Variants in MAEA observed in about 807,000 individuals in gnomAD.
MAEA encodes macrophage erythroblast attacher, E3 ubiquitin ligase, also known as E3 ubiquitin-protein transferase MAEA.
MAEA carries 22 observed loss-of-function variants against 46.2 expected under a neutral mutation model. The observed-to-expected ratio is 0.48, with a 90% CI of 0.34 to 0.68. The LOEUF is 0.68. Ranked by LOEUF, MAEA falls within the 30% of genes least tolerant of loss-of-function variation. MAEA has a pLI of 0.01. For synonymous variants in MAEA, 246 were observed against 222.6 expected (o/e 1.11, Z -0.94); for missense variants, 393 against 558.1 (o/e 0.70, Z 2.98).
At position 1,312,039 on chromosome 4, in the gene MAEA, A is replaced by G; in HGVS notation, c.130A>G (p.Thr44Ala). Residue 44 changes from threonine (T) to alanine (A), a missense_variant, in exon 2 of 9, where the codon ACC becomes GCC. Transcript: ENST00000303400. The part of the protein sequence containing the change: ...RAAQKNIDRE[T>A]SHVTMVVAEL... ...CGCTCAGAAGAACATTGACCGGGAG[A>G]CCAGCCACGTCACCATGGTGGTGGC... 1 of 1,613,930 alleles carries G rather than the reference A, an allele frequency of 6.2e-7. No homozygotes were observed.
At chr4:1,294,096 T>C (rs1429751658) in intron 1 of MAEA, among the ~76,000 whole-genome samples, 2 of 152,146 alleles carry the variant, frequency 1.3e-5, no homozygotes, top group Non-Finnish European at 2.9e-5. Context: ...GTGGCCGGCT[T>C]TTTCGATGTA....
chr4:1,322,943 CTTTTTTTTTTTT>C (rs60692981), intron 4 of MAEA, among the ~76,000 whole-genome samples: 135 of 75,278 alleles, frequency 1.8e-3, no homozygotes, highest in African/African-American at 7.4e-3. Context: ...TGAATACCCA[CTTTTTTTTTTTT>C]TTTTTTTTTT....
At chr4:1,332,718 A>G in intron 5 of MAEA, 39 bp from the exon 6 acceptor site, 1 of 1,539,018 alleles carries the variant, frequency 6.5e-7, no homozygotes, top group South Asian at 1.1e-5. Flanking sequence ...AGTTAAAATT[A>G]AAACGCAAAC....
In MAEA at chr4:1,326,441, T is replaced by C. The variant is rs534009179; in HGVS notation, c.580-1186T>C. On this transcript the variant is annotated intron_variant, in intron 4 of 8. Transcript: ENST00000303400. ...AGACGGACATGTCACTTCCGTAGAATCCGCGTCTCATCTTGGATGACTGCG... is the reference window on the plus strand; with the variant it reads ...AGACGGACATGTCACTTCCGTAGAACCCGCGTCTCATCTTGGATGACTGCG... 3.3e-5 allele frequency among the ~76,000 whole-genome samples: 5 copies of C among 152,314 alleles called. No homozygotes were observed. In the South Asian group the frequency reaches 1.0e-3, roughly 32 times the overall value.
intron 3 of MAEA, among the ~76,000 whole-genome samples, chr4:1,321,363 C>T (rs1159221867): frequency 1.3e-5 from 2 of 151,086 alleles, no homozygotes; most frequent in Non-Finnish European, 2.9e-5. Flanking sequence ...AAACGAGAAA[C>T]CGTTAAAGAA....
intron 3 of MAEA, among the ~76,000 whole-genome samples, chr4:1,316,678 CAT>C (rs775754137): frequency 3.9e-5 from 6 of 152,150 alleles, no homozygotes; most frequent in African/African-American, 7.2e-5. Flanking sequence ...ATCCCACCCA[CAT>C]GTGTGTGGCT....
chr4:1,292,091 A>T (rs927402749), intron 1 of MAEA, among the ~76,000 whole-genome samples: 1 of 152,172 alleles, frequency 6.6e-6, no homozygotes, highest in African/African-American at 2.4e-5. Flanking sequence ...GCCAGTGCAG[A>T]TGTCAGAGAA....
chr4:1,294,309 C>A (rs191714001), intron 1 of MAEA, among the ~76,000 whole-genome samples: 88 of 152,312 alleles, frequency 5.8e-4, no homozygotes, highest in African/African-American at 2.1e-3. Flanking sequence ...CCCTCCCAGG[C>A]CTGGGCCTTT....
At chr4:1,323,731 G>C in intron 4 of MAEA, 1 of 656,902 alleles carries the variant, frequency 1.5e-6, no homozygotes, top group Non-Finnish European at 2.8e-6. Flanking sequence ...GGGAAGATAG[G>C]TTCTTGGTGC....
intron 7 of MAEA, 104 bp downstream of exon 7, chr4:1,337,098 C>T: frequency 7.1e-7 from 1 of 1,404,240 alleles, no homozygotes; most frequent in Non-Finnish European, 9.8e-7. Flanking sequence ...CCTCCCACCA[C>T]AGACAGCCCC....
intron 3 of MAEA, among the ~76,000 whole-genome samples, chr4:1,316,673 A>C (rs1737216194): frequency 6.6e-6 from 1 of 151,938 alleles, no homozygotes; most frequent in Non-Finnish European, 1.5e-5. Context: ...CTTAAATCCC[A>C]CCCACATGTG....
chr4:1,331,610 C>G (rs1711821928), intron 5 of MAEA: 1 of 152,280 alleles, frequency 6.6e-6, no homozygotes, highest in Non-Finnish European at 1.5e-5. Context: ...CTGACTCACA[C>G]ATGGGACTTG....
In MAEA at chr4:1,310,235, CG is replaced by C. The variant is rs547894463; in HGVS notation, c.70-1737del. On this transcript the variant is annotated intron_variant, in intron 1 of 8. Transcript: ENST00000303400. ...GTGTCGGGCTGTGGTGTCAGGGCCT[CG>C]GGGGGGCCTTCCCCAGTGGGTCTCG... 4.2e-3 allele frequency among the ~76,000 whole-genome samples: 633 copies of C among 152,186 alleles called. 4 individuals carry two copies. Among genetic ancestry groups the C allele is most frequent in the Non-Finnish European group, 4.5e-3 (307 of 68,004 alleles).
intron 6 of MAEA, chr4:1,335,221 C>T (rs998671206): frequency 1.0e-6 from 1 of 985,484 alleles, no homozygotes; most frequent in Non-Finnish European, 1.2e-6. Context: ...CCATTTCATA[C>T]ATGATTTCTC....
At chr4:1,314,033 TAAA>T (rs1240305820) in intron 2 of MAEA, among the ~76,000 whole-genome samples, 1 of 151,704 alleles carries the variant, frequency 6.6e-6, no homozygotes, top group Non-Finnish European at 1.5e-5. Flanking sequence ...GACACTGTCT[TAAA>T]AAAGTGATTG....
At chr4:1,336,245 G>T (rs951156327) in intron 6 of MAEA, among the ~76,000 whole-genome samples, 6 of 151,730 alleles carry the variant, frequency 4.0e-5, no homozygotes, top group African/African-American at 1.5e-4. Context: ...CCCTTGTCCT[G>T]CAGGTGTTGA....
rs932295274 is a variant in MAEA at position 1,309,834 on chromosome 4, G to T, written c.70-2145G>T. The T allele has an allele frequency of 2.9e-6, 4 of 1,358,928 alleles. No individual in the cohort carries two copies. The Admixed American group carries it at 1.2e-4, about 41-fold the overall frequency. 84.2% of individuals were successfully genotyped at this position (1,358,928 alleles called of 1,614,324 possible). ...CTGTCTGCAGCACACCAGCTGCCCG[G>T]AGCTCTGCCCTGTGCCTGAGCAGCG... On this transcript the variant is annotated intron_variant, in intron 1 of 8. Coordinates refer to ENST00000303400, the MANE Select transcript of MAEA (RefSeq NM_001017405.3).
chr4:1,322,784 T>TTAGA (rs1738293861), intron 4 of MAEA, among the ~76,000 whole-genome samples: 1 of 152,156 alleles, frequency 6.6e-6, no homozygotes, highest in Admixed American at 6.5e-5. Context: ...GTGTTGGGGC[T>TTAGA]GCTGGGCTTA....
intron 1 of MAEA, chr4:1,297,939 G>A (rs1263132396): frequency 2.2e-6 from 1 of 449,832 alleles, no homozygotes; most frequent in South Asian, 1.6e-5. Flanking sequence ...GCCCTTCTCT[G>A]CTTCCCATTG....
Sources: gnomAD v4.1 joint callset for allele counts (sites outside exome capture counted in the v4.1 genomes callset) on GRCh38, gnomAD v4.1.1 for gene constraint, MANE v1.5 for transcripts, NCBI Gene and HGNC (gene_info 2026-07-23, HGNC 2026-07-21) for gene names.